The following STRA6 variants were observed in gnomAD, a reference collection of about 807,000 sequenced individuals.
STRA6 encodes signaling receptor and transporter of retinol STRA6.
A neutral mutation model predicts 83.6 loss-of-function variants in STRA6; 48 were observed. The observed-to-expected ratio is 0.57, with a 90% confidence interval of 0.46 to 0.73. STRA6 has a LOEUF of 0.73. STRA6 is among the 30% of genes least tolerant of loss of function. The pLI, the probability that STRA6 is intolerant of heterozygous loss-of-function variation, is 0.00. For synonymous variants in STRA6, 353 were observed against 362.3 expected, an observed-to-expected ratio of 0.97 and a Z score of 0.29; for missense variants, 760 against 838.8, an observed-to-expected ratio of 0.91 and a Z score of 1.16.
chr15:74,209,217 C>G, upstream of STRA6: 1 of 1,065,704 alleles, frequency 9.4e-7, no homozygotes, highest in Non-Finnish European at 1.3e-6. Flanking sequence ...GCGGTATAGC[C>G]TCTCCACACC....
At chr15:74,201,337 G>A (rs151237724) in intron 2 of STRA6, among the ~76,000 whole-genome samples, 9 of 152,270 alleles carry the variant, frequency 5.9e-5, no homozygotes, top group African/African-American at 1.4e-4. Flanking sequence ...TCTCCAAACC[G>A]TCAGACAGAG....
At chr15:74,184,779 C>T (rs2073159555) in intron 13 of STRA6, among the ~76,000 whole-genome samples, 1 of 152,234 alleles carries the variant, frequency 6.6e-6, no homozygotes, top group African/African-American at 2.4e-5. Context: ...CAGACGTTTC[C>T]CCAACCAGAC....
intron 1 of STRA6, 153 bp downstream of exon 1, chr15:74,202,560 G>A (rs2074127953): frequency 2.7e-6 from 4 of 1,471,730 alleles, no homozygotes; most frequent in East Asian, 2.5e-5. Context: ...TTGGGGCCCC[G>A]GGGCTCCCGC....
chr15:74,185,902 G>C (rs1037127862), intron 12 of STRA6, among the ~76,000 whole-genome samples: 15 of 152,246 alleles, frequency 9.9e-5, no homozygotes, highest in Admixed American at 9.2e-4. Context: ...ATGAGCCTGA[G>C]ATGCCTGCAC....
rs368452107 is a variant in STRA6, at chr15:74,182,326, T to G, written c.1418+17A>C. The G allele has an allele frequency of 1.9e-6, 3 of 1,613,916 alleles. No homozygotes were observed. Among genetic ancestry groups the G allele is most frequent in the Admixed American group, 3.3e-5 (2 of 60,010 alleles). On this transcript the variant is annotated intron_variant, in intron 15 of 18. Transcript: ENST00000395105. ...CTCTAAGGAGTCCCTGAGCCCTCCA[T>G]GTCTTGTTTCACTCACCACGAGGAC...
At chr15:74,191,119 G>A (rs746860768) in intron 10 of STRA6, 48 bp downstream of exon 10, 1 of 1,606,276 alleles carries the variant, frequency 6.2e-7, no homozygotes, top group Non-Finnish European at 8.5e-7. Flanking sequence ...CTGTGCAAGG[G>A]AGGGTAACGT....
At chr15:74,195,707 C>T in intron 5 of STRA6, 32 bp from the exon 6 acceptor site, 1 of 1,164,078 alleles carries the variant, frequency 8.6e-7, no homozygotes, top group African/African-American at 1.5e-5. Flanking sequence ...AGTATATTAG[C>T]AAGGGCAAAA....
chr15:74,197,329 G>A lies in STRA6; in HGVS notation c.266+9C>T. On this transcript the variant is annotated intron_variant, in intron 4 of 18. Coordinates refer to ENST00000395105, the MANE Select transcript of STRA6 (RefSeq NM_022369.4). ...CCCTGAGTGGGGGTGCCCAGGCCAT[G>A]GTACAAACCTGGGCAGGCCGGGCCT... is the stretch of plus-strand genomic sequence containing the variant. 1.4e-5 allele frequency: 22 copies of A among 1,547,666 alleles called. No individual in the cohort carries two copies. Among genetic ancestry groups the A allele is most frequent in the Non-Finnish European group, 1.9e-5 (22 of 1,144,608 alleles).
At chr15:74,193,740 C>T (rs983821012) in intron 8 of STRA6, 60 bp downstream of exon 8, 93 of 1,605,956 alleles carry the variant, frequency 5.8e-5, no homozygotes, top group Middle Eastern at 3.5e-4. Flanking sequence ...ACCACAGATA[C>T]GGGGGAGTAG....
chr15:74,197,435 G>A lies in STRA6; in HGVS notation c.181-12C>T, dbSNP rs1366799273. 5.8e-6 allele frequency: 9 copies of A among 1,549,702 alleles called. No individual in the cohort carries two copies. The East Asian group carries it at 1.7e-4, about 29-fold the overall frequency. ...AGCAGCACAAGGATCTGAAAGGAGAGTGCAGAGGAGGGCTTGGGGTGCCCA... is the reference window on the plus strand; with the variant it reads ...AGCAGCACAAGGATCTGAAAGGAGAATGCAGAGGAGGGCTTGGGGTGCCCA... On this transcript the variant is annotated splice_polypyrimidine_tract_variant and intron_variant, in intron 3 of 18. Coordinates refer to ENST00000395105, the MANE Select transcript of STRA6 (RefSeq NM_022369.4).
chr15:74,210,979 CAG>C (rs1474542078), upstream of STRA6, among the ~76,000 whole-genome samples: 3 of 152,168 alleles, frequency 2.0e-5, no homozygotes, highest in South Asian at 4.1e-4. Context: ...CTGGCAAAGA[CAG>C]AGCCTTAGCT....
At chr15:74,189,426 T>A in intron 11 of STRA6, 149 bp from the exon 12 acceptor site, 6 of 1,200,946 alleles carry the variant, frequency 5.0e-6, no homozygotes, top group Non-Finnish European at 7.1e-6. Context: ...AGAGCAGGGA[T>A]CTCACGCCTC....
upstream of STRA6, among the ~76,000 whole-genome samples, chr15:74,203,974 G>A (rs1257517291): frequency 6.6e-6 from 1 of 152,218 alleles, no homozygotes; most frequent in African/African-American, 2.4e-5. Context: ...AGAGTAGACA[G>A]GGCTTGAAAT....
intron 4 of STRA6, among the ~76,000 whole-genome samples, chr15:74,196,612 T>G (rs1320990982): frequency 3.9e-5 from 6 of 152,222 alleles, no homozygotes; most frequent in Admixed American, 2.0e-4. Flanking sequence ...CCACAGCTTC[T>G]GCACTGCAGC....
At chr15:74,195,206 G>A (rs1164949447) in intron 7 of STRA6, 96 bp downstream of exon 7, 28 of 1,550,764 alleles carry the variant, frequency 1.8e-5, no homozygotes, top group African/African-American at 4.1e-5. Flanking sequence ...GCTGCAGGGC[G>A]GCCCATCATA....
chr15:74,181,565 A>G, intron 16 of STRA6, 107 bp from the exon 17 acceptor site: 2 of 1,439,704 alleles, frequency 1.4e-6, no homozygotes, highest in Non-Finnish European at 1.9e-6. Context: ...CTGAGTGCCT[A>G]CCATTTATTG....
upstream of STRA6, among the ~76,000 whole-genome samples, chr15:74,204,534 T>C (rs2074212831): frequency 6.6e-6 from 1 of 152,240 alleles, no homozygotes; most frequent in Admixed American, 6.5e-5. Context: ...AACTCCCATC[T>C]GATTTTAAAT....
chr15:74,202,678 T>G (rs2074134568), intron 1 of STRA6, 35 bp downstream of exon 1: 1 of 1,379,554 alleles, frequency 7.2e-7, no homozygotes, highest in Non-Finnish European at 9.3e-7. Flanking sequence ...TCCTTCCCCT[T>G]TCCCAAGCCC....
chr15:74,201,284 T>C (rs1314683536), intron 2 of STRA6, among the ~76,000 whole-genome samples: 1 of 152,196 alleles, frequency 6.6e-6, no homozygotes, highest in African/African-American at 2.4e-5. Context: ...AGAACAGATG[T>C]GCACACATCT....
Sources: allele counts gnomAD v4.1 joint callset (sites outside exome capture counted in the v4.1 genomes callset), GRCh38; gene constraint gnomAD v4.1.1; transcripts MANE v1.5; gene names NCBI Gene and HGNC (gene_info 2026-07-23, HGNC 2026-07-21).